LSG1: variants seen among roughly 807,000 people sequenced by gnomAD.
The protein encoded by LSG1 is large subunit GTPase 1 homolog.
LSG1 carries 55 observed loss-of-function variants against 82.6 expected under a neutral mutation model. That is an observed-to-expected ratio of 0.67 (90% confidence interval 0.54 to 0.83). The LOEUF is 0.83. Ranked by LOEUF, LSG1 falls within the 40% of genes least tolerant of loss-of-function variation. The pLI is 0.00. For missense variants in LSG1, 809 were observed against 807.9 expected (o/e 1.00, Z -0.02); for synonymous variants, 272 against 282.5 (o/e 0.96, Z 0.37).
chr3:194,644,054 G>A (rs148954556), intron 13 of LSG1, among the ~76,000 whole-genome samples: 1 of 152,208 alleles, frequency 6.6e-6, no homozygotes, highest in Non-Finnish European at 1.5e-5. Flanking sequence ...AAGGGGACAG[G>A]CAGTAACTGC....
Position 194,653,073 on chromosome 3 carries a change from C to G in LSG1, c.829G>C (p.Glu277Gln). The G allele has an allele frequency of 6.2e-7, 1 of 1,614,234 alleles. No homozygotes were observed. Among genetic ancestry groups the G allele is most frequent in the South Asian group, 1.1e-5 (1 of 91,088 alleles). ...KFGHSSFDQA[E>Q]ISHSESEHLP... The stretch of plus-strand genomic sequence containing the variant: ...TGTTCGGATTCACTGTGGGAAATTT[C>G]AGCCTGGTCGAAACTGGAATGTCCA... Residue 277 changes from glutamate (E) to glutamine (Q), a missense_variant, in exon 8 of 14, where the codon GAA (glutamate) becomes CAA (glutamine). Coordinates refer to ENST00000265245, the MANE Select transcript of LSG1 (RefSeq NM_018385.3).
At chr3:194,653,198 A>G (rs2108617565) in intron 7 of LSG1, 56 bp from the exon 8 acceptor site, 1 of 1,521,898 alleles carries the variant, frequency 6.6e-7, no homozygotes, top group Non-Finnish European at 9.0e-7. Context: ...CACTCTAGTA[A>G]AAATACTTAA....
chr3:194,642,319 A>G (rs1718415682), intron 13 of LSG1, 72 bp from the exon 14 acceptor site: 11 of 1,302,844 alleles, frequency 8.4e-6, no homozygotes, highest in South Asian at 6.0e-5. Context: ...CAGTACTATT[A>G]GTGGATCACT....
At chr3:194,645,587 C>CACACACACAG in intron 12 of LSG1, among the ~76,000 whole-genome samples, 1 of 92,358 alleles carries the variant, frequency 1.1e-5, no homozygotes, top group African/African-American at 4.8e-5. Context: ...CACACACACA[C>CACACACACAG]ACACACACAC....
chr3:194,652,597 C>A (rs1718697521), intron 8 of LSG1, 132 bp downstream of exon 8: 7 of 940,496 alleles, frequency 7.4e-6, no homozygotes, highest in Non-Finnish European at 1.1e-5. Context: ...CCCGTGATGC[C>A]AGTGGGCAAC....
At chr3:194,651,247 A>G (rs1486526094) in intron 8 of LSG1, 31 bp from the exon 9 acceptor site, 3 of 1,417,036 alleles carry the variant, frequency 2.1e-6, no homozygotes, top group African/African-American at 1.4e-5. Context: ...ACCAAACAGT[A>G]AAACAGTACA....
Position 194,642,267 on chromosome 3 carries a change from A to T in LSG1, c.1798-20T>A. On this transcript the variant is annotated intron_variant, in intron 13 of 13. Transcript: ENST00000265245. ...ATTCTCCTAGGAAATAAGAGAAAAC[A>T]TTATCTGAGCTGTCAGCAGGCTATC... 6.2e-7 allele frequency: 1 copy of T among 1,605,998 alleles called. No homozygotes were observed. The highest frequency in any genetic ancestry group is 8.5e-7 in the Non-Finnish European group (1 of 1,175,066).
chr3:194,667,638 TAGC>T (rs1336581414), intron 2 of LSG1, among the ~76,000 whole-genome samples: 1 of 151,568 alleles, frequency 6.6e-6, no homozygotes, highest in Non-Finnish European at 1.5e-5. Context: ...AAGAAGAAAA[TAGC>T]AGCCAGGTGC....
intron 1 of LSG1, 95 bp downstream of exon 1, chr3:194,671,969 G>C (rs965843998): frequency 1.8e-6 from 2 of 1,127,934 alleles, no homozygotes; most frequent in Non-Finnish European, 2.6e-6. Context: ...CGGCTGAGGC[G>C]TCCCTCCTGC....
chr3:194,648,946 A>T (rs1718613838), intron 10 of LSG1, 142 bp from the exon 11 acceptor site: 6 of 799,380 alleles, frequency 7.5e-6, no homozygotes, highest in African/African-American at 1.8e-5. Flanking sequence ...GTTTTTGATT[A>T]ATCTAAAAAG....
chr3:194,652,308 C>T (rs1006320874), intron 8 of LSG1, among the ~76,000 whole-genome samples: 1 of 152,156 alleles, frequency 6.6e-6, no homozygotes, highest in Admixed American at 6.5e-5. Context: ...TGTCATATTT[C>T]GTCCAGCCCC....
intron 7 of LSG1, among the ~76,000 whole-genome samples, chr3:194,654,695 T>C (rs1226030052): frequency 1.3e-5 from 2 of 152,172 alleles, no homozygotes; most frequent in Non-Finnish European, 2.9e-5. Context: ...CATGAATGTG[T>C]AGTAGAAAAA....
Position 194,642,039 on chromosome 3 carries a change from G to A in LSG1, c.*29C>T, listed in dbSNP as rs1316559202. On this transcript the variant is annotated 3_prime_UTR_variant, in exon 14 of 14. Transcript: ENST00000265245. ...TTCTGCTCTTTTCCATCTGCACAAT[G>A]CAGATGACATTTCTGTTGCAGCCCA... The A allele has an allele frequency of 6.2e-7, 1 of 1,608,420 alleles. No individual in the cohort carries two copies. The highest frequency in any genetic ancestry group is 1.1e-5 in the South Asian group (1 of 90,540).
intron 7 of LSG1, among the ~76,000 whole-genome samples, chr3:194,658,086 C>T (rs1718842609): frequency 6.6e-6 from 1 of 152,180 alleles, no homozygotes. Flanking sequence ...GGGAAAAAGA[C>T]AGTACTTCCT....
intron 5 of LSG1, among the ~76,000 whole-genome samples, chr3:194,663,230 A>T (rs991063468): frequency 5.9e-5 from 9 of 152,216 alleles, no homozygotes; most frequent in Non-Finnish European, 1.2e-4. Context: ...CCAAGGAGGC[A>T]CCAACGAAGA....
At position 194,644,695 on chromosome 3, in the gene LSG1, GAA is replaced by G. The variant is rs1490644138; in HGVS notation, c.1673_1674del (p.Phe558SerfsTer15). On this transcript the variant is annotated frameshift_variant, in exon 13 of 14. Transcript: ENST00000265245. LOFTEE classifies it high-confidence loss of function. ...TCTAGGAGTCGCTGGTGTTGATGCT[GAA>G]AAGTTACAGGATCTCTTCCAGGAGG... ...HPPPGRDPVT[F>X]QHQHQRLLEN... 1 of 1,610,004 alleles carries G rather than the reference GAA, an allele frequency of 6.2e-7. No homozygotes were observed. Among genetic ancestry groups the G allele is most frequent in the Non-Finnish European group, 8.5e-7 (1 of 1,177,764 alleles).
chr3:194,659,180 A>T, intron 6 of LSG1, 47 bp from the exon 7 acceptor site: 1 of 1,461,964 alleles, frequency 6.8e-7, no homozygotes, highest in Non-Finnish European at 9.4e-7. Flanking sequence ...AACAAGTAAA[A>T]AAATGAGGCT....
chr3:194,663,023 AAAAG>A (rs1718965009), intron 5 of LSG1, among the ~76,000 whole-genome samples: 1 of 152,250 alleles, frequency 6.6e-6, no homozygotes, highest in East Asian at 1.9e-4. Context: ...AACCAGGAGA[AAAAG>A]AAAAGGAACA....
At position 194,651,176 on chromosome 3, in the gene LSG1, G is replaced by A; in HGVS notation, c.1214C>T (p.Thr405Ile). The change falls in exon 9 of 14, where the codon ACC becomes ATC. Residue 405 changes from threonine to isoleucine, a missense_variant. By Grantham distance (89) the Thr-to-Ile change is moderately conservative (BLOSUM62 -1). Coordinates refer to ENST00000265245, the MANE Select transcript of LSG1 (RefSeq NM_018385.3). Reference protein sequence around the residue: ...PNVGKSSTINTIMGNKKVSVS... With the variant: ...PNVGKSSTINIIMGNKKVSVS... The stretch of plus-strand genomic sequence containing the variant: ...AGATACTTTCTTGTTGCCCATGATG[G>A]TGTTGATTGTTGAACTCTTACCAAC... 1 of 1,614,208 alleles carries A rather than the reference G, an allele frequency of 6.2e-7. No homozygotes were observed. The highest frequency in any genetic ancestry group is 8.5e-7 in the Non-Finnish European group (1 of 1,180,040).
Sources: gnomAD v4.1 joint callset for allele counts (sites outside exome capture counted in the v4.1 genomes callset) on GRCh38, gnomAD v4.1.1 for gene constraint, MANE v1.5 for transcripts, NCBI Gene and HGNC (gene_info 2026-07-23, HGNC 2026-07-21) for gene names.